PCYOX1L: variants seen among roughly 807,000 people sequenced by gnomAD.
The protein encoded by PCYOX1L is prenylcysteine oxidase 1-like.
In PCYOX1L, 40 loss-of-function variants were observed where a neutral mutation model predicts 44.1. The observed-to-expected ratio is 0.91, with a 90% confidence interval of 0.70 to 1.18. The LOEUF (loss-of-function observed/expected upper bound fraction) is 1.18. PCYOX1L is among the 50% of genes most tolerant of loss of function. PCYOX1L has a pLI of 0.00. For synonymous variants in PCYOX1L, 266 were observed against 282.8 expected, an observed-to-expected ratio of 0.94 and a Z score of 0.60; for missense variants, 605 against 653.3, an observed-to-expected ratio of 0.93 and a Z score of 0.81.
rs915108680 is a variant in PCYOX1L at position 149,364,263 on chromosome 5, G to C, written c.470+53G>C. 2.1e-5 allele frequency: 34 copies of C among 1,603,130 alleles called. No homozygotes were observed. The Middle Eastern group carries it at 6.6e-4, about 31-fold the overall frequency. Reference sequence around the variant, plus strand: ...CGTTCCAGGGGAACCGAGAAGAGGTGGGGGAGGAACCAGCTTGCCTGTACT... The same window carrying C: ...CGTTCCAGGGGAACCGAGAAGAGGTCGGGGAGGAACCAGCTTGCCTGTACT... On this transcript the variant is annotated intron_variant, in intron 3 of 5. Transcript: ENST00000274569.
rs190318943 is a variant in PCYOX1L at position 149,361,732 on chromosome 5, G to A, written c.89-905G>A. ...CAACCTCCGCCTCCCAGGTTCAAGC[G>A]ATTCTCCTGCCTCAGCCTCCTGAGT... On this transcript the variant is annotated intron_variant, in intron 1 of 5. Coordinates refer to ENST00000274569, the MANE Select transcript of PCYOX1L (RefSeq NM_024028.4). Among the ~76,000 whole-genome samples the A allele has an allele frequency of 4.9e-3, 741 of 152,260 alleles. 4 individuals carry two copies. Among genetic ancestry groups the A allele is most frequent in the African/African-American group, 0.017 (701 of 41,546 alleles).
intron 2 of PCYOX1L, chr5:149,363,207 A>C: frequency 2.6e-6 from 1 of 387,600 alleles, no homozygotes; most frequent in Admixed American, 3.3e-5. Context: ...GATGAGTGTT[A>C]TATCTCCTCT....
chr5:149,367,950 A>G (rs749128651), intron 5 of PCYOX1L, 43 bp from the exon 6 acceptor site: 3 of 1,518,182 alleles, frequency 2.0e-6, no homozygotes, highest in East Asian at 2.3e-5. Context: ...TTCAGTGGGT[A>G]GAAGCCAAGG....
Position 149,366,114 on chromosome 5 carries a change from G to C in PCYOX1L, c.643G>C (p.Ala215Pro). The C allele has an allele frequency of 1.9e-6, 3 of 1,613,632 alleles. No individual in the cohort carries two copies. Among genetic ancestry groups the C allele is most frequent in the Non-Finnish European group, 2.5e-6 (3 of 1,180,034 alleles). The change falls in exon 4 of 6, where the codon GCC becomes CCC. Residue 215 changes from alanine (A) to proline (P), a missense_variant. By Grantham distance (27) the Ala-to-Pro change is conservative (BLOSUM62 -1). Transcript: ENST00000274569. ...IDDVVSAVLR[A>P]SYGQSAAMPA... is the part of the protein sequence containing the mutation. ...TGATGTCGTTTCTGCTGTCCTGCGG[G>C]CCAGCTATGGCCAGTCAGCAGCGAT...
chr5:149,367,425 TG>T lies in PCYOX1L; in HGVS notation c.749del (p.Cys250PhefsTer5), dbSNP rs1479678722. ...WSVEGGNKLV[C>X]SGLLKLTKAN... ...TGTGGAAGGAGGCAATAAGCTGGTT[TG>T]TTCCGGTTTGCTGAAGCTCACCAAG... On this transcript the variant is annotated frameshift_variant, in exon 5 of 6. Coordinates refer to ENST00000274569, the MANE Select transcript of PCYOX1L (RefSeq NM_024028.4). LOFTEE classifies it high-confidence loss of function. The T allele has an allele frequency of 2.5e-6, 4 of 1,613,972 alleles. No individual in the cohort carries two copies. The highest frequency in any genetic ancestry group is 3.4e-6 in the Non-Finnish European group (4 of 1,179,926).
chr5:149,367,982 T>G lies in PCYOX1L; in HGVS notation c.824-11T>G. ...AAGGGAAAGTTGACTTTTGTGCTCT[T>G]TTCTTTCCAGAGGGGAAAGCCCTGT... On this transcript the variant is annotated splice_polypyrimidine_tract_variant and intron_variant, in intron 5 of 5. Transcript: ENST00000274569. The G allele has an allele frequency of 1.3e-6, 2 of 1,521,540 alleles. No individual in the cohort carries two copies. The highest frequency in any genetic ancestry group is 2.3e-5 in the East Asian group (1 of 44,140). The allele number at this position is 1,521,540 out of a possible 1,614,324, so 94.3% of individuals were successfully genotyped here. A position where few individuals can be genotyped will look rare whatever the true frequency, so the allele number is the denominator to read the frequency against.
At chr5:149,358,437 G>A (rs573727804) in intron 1 of PCYOX1L, among the ~76,000 whole-genome samples, 1 of 152,354 alleles carries the variant, frequency 6.6e-6, no homozygotes, top group South Asian at 2.1e-4. Context: ...CATCTGCCAT[G>A]GTCCTGGCTG....
Position 149,362,666 on chromosome 5 carries a change from G to A in PCYOX1L, c.118G>A (p.Ala40Thr). 1 of 1,614,184 alleles carries A rather than the reference G, an allele frequency of 6.2e-7. No individual in the cohort carries two copies. The highest frequency in any genetic ancestry group is 8.5e-7 in the Non-Finnish European group (1 of 1,180,044). ...AVVGAGIGGS[A>T]VAHFLQQHFG... ...GGTTGGGGCTGGGATTGGGGGCTCTGCTGTGGCCCATTTTCTCCAGCAGCA... is the reference window on the plus strand; with the variant it reads ...GGTTGGGGCTGGGATTGGGGGCTCTACTGTGGCCCATTTTCTCCAGCAGCA... Residue 40 changes from alanine (A) to threonine (T), a missense_variant, in exon 2 of 6, where the codon GCT becomes ACT. By Grantham distance (58) the Ala-to-Thr change is moderately conservative. Coordinates refer to ENST00000274569, the MANE Select transcript of PCYOX1L (RefSeq NM_024028.4).
rs1366875345 is a variant in PCYOX1L, at chr5:149,369,244, CTG to C, written c.*593_*594del. On this transcript the variant is annotated 3_prime_UTR_variant, in exon 6 of 6. Transcript: ENST00000274569. ...CATCACTGCATATTGGAGGAGATGA[CTG>C]TGGTAGGACCCAAGGAAGAGATGTG... is the stretch of plus-strand genomic sequence containing the variant. 5 of 152,198 alleles carry C rather than the reference CTG, an allele frequency of 3.3e-5. No homozygotes were observed. The highest frequency in any genetic ancestry group is 1.2e-4 in the African/African-American group (5 of 41,420). 9.4% of individuals were successfully genotyped at this position (152,198 alleles called of 1,614,324 possible).
chr5:149,361,422 C>T (rs1758007019), intron 1 of PCYOX1L, among the ~76,000 whole-genome samples: 1 of 152,150 alleles, frequency 6.6e-6, no homozygotes, highest in Non-Finnish European at 1.5e-5. Context: ...AGCAGCACCT[C>T]CAAGCCCTGT....
In PCYOX1L at chr5:149,361,616, T is replaced by TC. The variant is rs370155854; in HGVS notation, c.89-1020dup. Among the ~76,000 whole-genome samples, 91 of 152,334 alleles carry TC rather than the reference T, an allele frequency of 6.0e-4. 1 individual carries two copies. In the South Asian group the frequency reaches 9.5e-3, roughly 16 times the overall value. ...GTCCTGTAGGGTAATGAACAATCCA[T>TC]CATAGAGTACATTCCAGTCTCTTTT... On this transcript the variant is annotated intron_variant, in intron 1 of 5. Transcript: ENST00000274569.
chr5:149,361,591 G>A (rs1273526137), intron 1 of PCYOX1L, among the ~76,000 whole-genome samples: 1 of 152,220 alleles, frequency 6.6e-6, no homozygotes, highest in African/African-American at 2.4e-5. Context: ...GGAATATAGT[G>A]TCCTGTAGGG....
rs1758286799 is a variant in PCYOX1L, at chr5:149,368,118, G to A, written c.949G>A (p.Gly317Ser). Reference protein sequence around the residue: ...DNSSSNLTFAGFHPPIDDVQG... With the variant: ...DNSSSNLTFASFHPPIDDVQG... ...CAGCAGCAGCAACTTAACCTTTGCA[G>A]GCTTCCACCCGCCCATTGATGACGT... is the stretch of plus-strand genomic sequence containing the variant. The change falls in exon 6 of 6, where the codon GGC becomes AGC. Residue 317 changes from glycine (G) to serine (S), a missense_variant. Physicochemically the swap from Gly to Ser is moderately conservative, Grantham distance 56. Transcript: ENST00000274569. 6.2e-7 allele frequency: 1 copy of A among 1,613,096 alleles called. No individual in the cohort carries two copies. Among genetic ancestry groups the A allele is most frequent in the African/African-American group, 1.3e-5 (1 of 74,886 alleles).
intron 4 of PCYOX1L, among the ~76,000 whole-genome samples, chr5:149,366,904 T>TAGAATATATA (rs1758229575): frequency 2.0e-5 from 3 of 152,174 alleles, no homozygotes; most frequent in Non-Finnish European, 4.4e-5. Context: ...ACATACCATA[T>TAGAATATATA]AATTCGCCCA....
chr5:149,365,903 C>A, intron 3 of PCYOX1L, 39 bp from the exon 4 acceptor site: 2 of 1,607,392 alleles, frequency 1.2e-6, no homozygotes, highest in African/African-American at 2.7e-5. Flanking sequence ...AGGCAAAAAG[C>A]CTTCCTGCAC....
At chr5:149,363,368 A>G (rs1758077288) in intron 2 of PCYOX1L, 1 of 312,040 alleles carries the variant, frequency 3.2e-6, no homozygotes, top group Non-Finnish European at 6.4e-6. Flanking sequence ...GTGGTCTTAC[A>G]GATGTGCAAA....
intron 1 of PCYOX1L, among the ~76,000 whole-genome samples, chr5:149,359,046 A>G (rs1581364349): frequency 3.3e-5 from 5 of 152,252 alleles, no homozygotes; most frequent in Non-Finnish European, 1.5e-5. Flanking sequence ...AGAGTGTCAT[A>G]TGTGTTTACA....
chr5:149,362,373 A>C lies in PCYOX1L; in HGVS notation c.89-264A>C, dbSNP rs1334285156. 3 of 497,884 alleles carry C rather than the reference A, an allele frequency of 6.0e-6. No individual in the cohort carries two copies. The South Asian group carries it at 7.1e-5, about 12-fold the overall frequency. The allele number at this position is 497,884 out of a possible 1,614,324, so 30.8% of individuals were successfully genotyped here. On this transcript the variant is annotated intron_variant, in intron 1 of 5. Coordinates refer to ENST00000274569, the MANE Select transcript of PCYOX1L (RefSeq NM_024028.4). ...TCTTTAATTGGTCATCCTGACTTTC[A>C]GTATTCTTTGCTGGTCTTTTGCTGC... is the stretch of plus-strand genomic sequence containing the variant.
rs1463439757 is a variant in PCYOX1L at position 149,358,114 on chromosome 5, G to C, written c.46G>C (p.Ala16Pro). ...GCTCGCCGCGTTGACCGCGCTCCTC[G>C]CCGCCGCCGCTGCTGGCGGAGATGC... ...PLLAALTALL[A>P]AAAAGGDAPP... The change falls in exon 1 of 6, where the codon GCC becomes CCC. Residue 16 changes from alanine (A) to proline (P), a missense_variant. Transcript: ENST00000274569. 1 of 1,444,066 alleles carries C rather than the reference G, an allele frequency of 6.9e-7. No homozygotes were observed. Among genetic ancestry groups the C allele is most frequent in the Admixed American group, 2.5e-5 (1 of 40,348 alleles). 89.5% of individuals were successfully genotyped at this position (1,444,066 alleles called of 1,614,324 possible).
Sources: allele counts gnomAD v4.1 joint callset (sites outside exome capture counted in the v4.1 genomes callset), GRCh38; gene constraint gnomAD v4.1.1; transcripts MANE v1.5; gene names NCBI Gene and HGNC (gene_info 2026-07-23, HGNC 2026-07-21).